Variants in BCKDHA observed in about 807,000 individuals in gnomAD.
The protein encoded by BCKDHA is branched chain keto acid dehydrogenase E1 subunit alpha.
BCKDHA carries 43 observed loss-of-function variants against 52.2 expected under a neutral mutation model. The observed-to-expected ratio is 0.82, with a 90% CI of 0.64 to 1.06. The LOEUF (loss-of-function observed/expected upper bound fraction) is 1.06. Among genes scored for constraint, BCKDHA ranks in the 50% least tolerant of loss-of-function variants. BCKDHA has a pLI of 0.00. For synonymous variants in BCKDHA, 234 were observed against 247.9 expected (o/e 0.94, Z 0.53); for missense variants, 527 against 621.3 (o/e 0.85, Z 1.61).
chr19:41,398,281 G>A (rs972487602), intron 1 of BCKDHA, among the ~76,000 whole-genome samples: 1 of 152,106 alleles, frequency 6.6e-6, no homozygotes, highest in African/African-American at 2.4e-5. Flanking sequence ...TCTCCCTCAG[G>A]GTTTGGAGAA....
At chr19:41,409,845 G>A (rs1014795824) in intron 1 of BCKDHA, among the ~76,000 whole-genome samples, 8 of 141,098 alleles carry the variant, frequency 5.7e-5, no homozygotes, top group Admixed American at 3.8e-4. Context: ...ACTGTCACCA[G>A]GCTAGAGTGC....
At chr19:41,410,463 A>G (rs561106472) in intron 1 of BCKDHA, among the ~76,000 whole-genome samples, 174 bp from the exon 2 acceptor site, 1 of 152,174 alleles carries the variant, frequency 6.6e-6, no homozygotes, top group Non-Finnish European at 1.5e-5. Context: ...AGTTATCCAA[A>G]GTGTCGCAGT....
intron 1 of BCKDHA, among the ~76,000 whole-genome samples, chr19:41,402,795 C>T (rs1039775467): frequency 4.6e-5 from 7 of 152,216 alleles, no homozygotes; most frequent in Admixed American, 2.6e-4. Context: ...TGTGTGCCAC[C>T]GTGTCCGGCT....
At chr19:41,415,089 G>A (rs2039294117) in intron 4 of BCKDHA, among the ~76,000 whole-genome samples, 1 of 152,202 alleles carries the variant, frequency 6.6e-6, no homozygotes, top group Admixed American at 6.5e-5. Flanking sequence ...AGACCACGTG[G>A]CTGTCCAGAG....
In BCKDHA at chr19:41,424,591, G is replaced by A; in HGVS notation, c.1321G>A (p.Asp441Asn). ...GACCTACGGGGAGCACTACCCACTG[G>A]ATCACTTCGATAAGTGAGACCTGCT... ...LQTYGEHYPL[D>N]HFDK Residue 441 changes from aspartate (D) to asparagine (N), a missense_variant, in exon 9 of 9, where the codon GAT becomes AAT. Asp to Asn is a conservative substitution (Grantham distance 23, BLOSUM62 1). Transcript: ENST00000269980. 1 of 1,607,472 alleles carries A rather than the reference G, an allele frequency of 6.2e-7. No individual in the cohort carries two copies. Among genetic ancestry groups the A allele is most frequent in the Non-Finnish European group, 8.5e-7 (1 of 1,175,484 alleles).
intron 4 of BCKDHA, chr19:41,418,877 A>C: frequency 2.1e-6 from 1 of 487,228 alleles, no homozygotes; most frequent in Non-Finnish European, 3.8e-6. Context: ...TCTTAAAGGT[A>C]ATTGAATTAG....
chr19:41,420,979 C>A (rs1156288597), intron 5 of BCKDHA, among the ~76,000 whole-genome samples: 2 of 152,218 alleles, frequency 1.3e-5, no homozygotes, highest in Admixed American at 6.5e-5. Flanking sequence ...TCTCTCCAGG[C>A]CTCAGCACTG....
chr19:41,409,247 C>T (rs1210570144), intron 1 of BCKDHA, among the ~76,000 whole-genome samples: 3 of 152,160 alleles, frequency 2.0e-5, no homozygotes, highest in Admixed American at 6.5e-5. Context: ...TTCTATACAC[C>T]TTGCCGAGAA....
intron 1 of BCKDHA, among the ~76,000 whole-genome samples, chr19:41,398,356 GAAGAGAACAGGTC>G (rs1284359762): frequency 6.6e-6 from 1 of 152,166 alleles, no homozygotes; most frequent in East Asian, 1.9e-4. Context: ...GAAGAAGAAA[GAAGAGAACAGGTC>G]CCTGTCACAG....
chr19:41,401,977 A>G (rs1320111150), intron 1 of BCKDHA, among the ~76,000 whole-genome samples: 1 of 152,198 alleles, frequency 6.6e-6, no homozygotes, highest in Non-Finnish European at 1.5e-5. Context: ...ATTTATAAAG[A>G]AAAAGAGGCT....
intron 1 of BCKDHA, among the ~76,000 whole-genome samples, chr19:41,404,042 C>T (rs894753024): frequency 2.0e-5 from 3 of 152,078 alleles, no homozygotes; most frequent in African/African-American, 7.2e-5. Flanking sequence ...TGCAGTGGTG[C>T]GATCTTGGCT....
At chr19:41,405,328 G>T (rs2039181194) in intron 1 of BCKDHA, among the ~76,000 whole-genome samples, 1 of 150,728 alleles carries the variant, frequency 6.6e-6, no homozygotes. Context: ...GTCTTACTTT[G>T]TCACCCAGGC....
intron 3 of BCKDHA, among the ~76,000 whole-genome samples, chr19:41,413,039 C>T (rs942060452): frequency 6.6e-6 from 1 of 152,176 alleles, no homozygotes; most frequent in African/African-American, 2.4e-5. Flanking sequence ...TGCTCAGCTG[C>T]TCAGCAGCAC....
chr19:41,419,064 A>G, intron 4 of BCKDHA, 71 bp from the exon 5 acceptor site: 1 of 1,565,684 alleles, frequency 6.4e-7, no homozygotes, highest in Non-Finnish European at 8.8e-7. Flanking sequence ...AGCATGCTGC[A>G]GGTCACCCAC....
At chr19:41,401,959 A>G (rs1401757449) in intron 1 of BCKDHA, among the ~76,000 whole-genome samples, 2 of 152,136 alleles carry the variant, frequency 1.3e-5, no homozygotes, top group Non-Finnish European at 2.9e-5. Context: ...CACACCCAAG[A>G]CTGGGTAATT....
intron 5 of BCKDHA, 46 bp from the exon 6 acceptor site, chr19:41,422,092 TCATGTGAGTGTGAATGAGTGTGAGTG>T: frequency 6.9e-7 from 1 of 1,459,520 alleles, no homozygotes; most frequent in Non-Finnish European, 9.4e-7. Context: ...GAGCCGTGGG[TCATGTGAGTGTGAATGAGTGTGAGTG>T]CATGTGAGTC....
chr19:41,416,017 C>T (rs1432599794), intron 4 of BCKDHA, among the ~76,000 whole-genome samples: 4 of 150,276 alleles, frequency 2.7e-5, no homozygotes, highest in African/African-American at 7.4e-5. Context: ...AGTCTTGGCT[C>T]ATTGCAACTT....
At chr19:41,419,488 C>T (rs1379858157) in intron 5 of BCKDHA, among the ~76,000 whole-genome samples, 192 bp downstream of exon 5, 3 of 152,210 alleles carry the variant, frequency 2.0e-5, no homozygotes, top group African/African-American at 4.8e-5. Flanking sequence ...GTTGCCCAGG[C>T]TAGAGTGCAG....
chr19:41,423,096 G>A lies in BCKDHA; in HGVS notation c.1094G>A (p.Arg365Gln), dbSNP rs375957868. The change falls in exon 8 of 9, where the codon CGG (arginine) becomes CAG (glutamine). Residue 365 changes from arginine to glutamine, a missense_variant. Arg to Gln is a conservative substitution (Grantham distance 43). Transcript: ENST00000269980. Reference sequence around the variant, plus strand: ...CAGGACCACCCCATCTCCCGGCTGCGGCACTATCTGCTGAGCCAAGGCTGG... The same window carrying A: ...CAGGACCACCCCATCTCCCGGCTGCAGCACTATCTGCTGAGCCAAGGCTGG... ...DKQDHPISRL[R>Q]HYLLSQGWWD... The A allele has an allele frequency of 3.1e-5, 48 of 1,570,648 alleles. No homozygotes were observed. The highest frequency in any genetic ancestry group is 1.2e-4 in the African/African-American group (9 of 74,040).
Sources: allele counts gnomAD v4.1 joint callset (sites outside exome capture counted in the v4.1 genomes callset), GRCh38; gene constraint gnomAD v4.1.1; transcripts MANE v1.5; gene names NCBI Gene and HGNC (gene_info 2026-07-23, HGNC 2026-07-21).